Variants in DAB1 observed in about 807,000 individuals in gnomAD.
DAB1 encodes disabled homolog 1.
In DAB1, 15 loss-of-function variants were observed where a neutral mutation model predicts 64.6. The observed-to-expected ratio is 0.23, with a 90% CI of 0.16 to 0.36. The LOEUF (loss-of-function observed/expected upper bound fraction) is 0.36, where lower values mean the gene tolerates loss of function less well. DAB1 is among the 10% of genes least tolerant of loss of function. DAB1 has a pLI of 1.00. For missense variants in DAB1, 596 were observed against 706.7 expected, an observed-to-expected ratio of 0.84 and a Z score of 1.78; for synonymous variants, 235 against 251.9, an observed-to-expected ratio of 0.93 and a Z score of 0.64.
At chr1:58,449,690 G>A (rs1272797991) in intron 3 of DAB1, among the ~76,000 whole-genome samples, 1 of 152,198 alleles carries the variant, frequency 6.6e-6, no homozygotes, top group African/African-American at 2.4e-5. Context: ...CTCTCAAAGT[G>A]AAATGCTTGC....
intron 2 of DAB1, among the ~76,000 whole-genome samples, chr1:58,525,136 C>T (rs559764789): frequency 3.0e-4 from 46 of 152,118 alleles, no homozygotes; most frequent in African/African-American, 1.1e-3. Context: ...TTTTCATAAC[C>T]GATTTGTGTT....
intron 4 of DAB1, among the ~76,000 whole-genome samples, chr1:58,294,602 T>A (rs79839385): frequency 5.3e-5 from 8 of 152,260 alleles, no homozygotes; most frequent in Admixed American, 4.6e-4. Context: ...CAGAAACATG[T>A]CATGGAAAAC....
At chr1:57,826,677 C>T (rs1052570959) in intron 1 of DAB1, among the ~76,000 whole-genome samples, 1 of 152,110 alleles carries the variant, frequency 6.6e-6, no homozygotes, top group South Asian at 2.1e-4. Context: ...GACAAGTGCA[C>T]AGGGTTAATC....
chr1:58,139,156 C>T (rs1341369315), intron 5 of DAB1, among the ~76,000 whole-genome samples: 5 of 152,124 alleles, frequency 3.3e-5, no homozygotes. Flanking sequence ...CACTGTTCCA[C>T]CCCGCACATC....
intron 3 of DAB1, among the ~76,000 whole-genome samples, chr1:58,493,083 T>C (rs1241044644): frequency 6.6e-6 from 1 of 152,196 alleles, no homozygotes; most frequent in Admixed American, 6.5e-5. Flanking sequence ...CAAGTGGGCT[T>C]CATCCCTGGG....
At chr1:57,084,384 A>G (rs932356160) in intron 4 of DAB1, among the ~76,000 whole-genome samples, 4 of 152,106 alleles carry the variant, frequency 2.6e-5, no homozygotes, top group African/African-American at 7.2e-5. Context: ...AGAAAGAACA[A>G]TCCCTGCAGA....
intron 1 of DAB1, chr1:57,386,847 C>G (rs997863786): frequency 1.3e-5 from 2 of 152,064 alleles, no homozygotes; most frequent in Non-Finnish European, 2.9e-5. Context: ...GAGGCCCATG[C>G]AACATTAAGC....
chr1:57,797,209 A>G (rs1489516611), intron 6 of DAB1, among the ~76,000 whole-genome samples: 1 of 152,230 alleles, frequency 6.6e-6, no homozygotes, highest in African/African-American at 2.4e-5. Flanking sequence ...TCTCTGGGTT[A>G]GAAAGGGACT....
In DAB1 at chr1:58,303,697, T is replaced by C. The variant is rs543245188; in HGVS notation, n.309+39655A>G. ...CCAGGTGGAGATCAGGGGTTTAGCT[T>C]ATAAGGAGAAGAGGAAACAAGGCAA... On this transcript the variant is annotated intron_variant and non_coding_transcript_variant, in intron 4 of 20. Coordinates refer to the DAB1 transcript ENST00000485760. Among the ~76,000 whole-genome samples, 4 of 152,228 alleles carry C rather than the reference T, an allele frequency of 2.6e-5. No individual in the cohort carries two copies. The East Asian group carries it at 7.7e-4, about 29-fold the overall frequency.
At chr1:58,092,314 C>T (rs577997078) in intron 5 of DAB1, among the ~76,000 whole-genome samples, 2 of 145,832 alleles carry the variant, frequency 1.4e-5, no homozygotes, top group Non-Finnish European at 3.0e-5. Flanking sequence ...GCCTGGGTGA[C>T]AGAGCAAGAC....
chr1:58,117,864 T>C (rs879536961), intron 5 of DAB1, among the ~76,000 whole-genome samples: 3 of 151,754 alleles, frequency 2.0e-5, no homozygotes, highest in African/African-American at 7.3e-5. Flanking sequence ...ATATTTTTTT[T>C]AATATTTTTT....
chr1:57,938,155 CT>C (rs1460858789), intron 5 of DAB1, among the ~76,000 whole-genome samples: 1 of 152,222 alleles, frequency 6.6e-6, no homozygotes, highest in African/African-American at 2.4e-5. Context: ...CCAGCCCTTG[CT>C]GGGTGTGTAA....
Position 57,226,672 on chromosome 1 carries a change from A to AAAAAATATATATATATATAT in DAB1, c.67+64291_67+64292insATATATATATATATATTTTT, listed in dbSNP as rs747021990. Among the ~76,000 whole-genome samples the AAAAAATATATATATATATAT allele has an allele frequency of 8.5e-4, 116 of 135,956 alleles. 2 individuals carry two copies. Among genetic ancestry groups the AAAAAATATATATATATATAT allele is most frequent in the African/African-American group, 3.4e-3 (109 of 32,366 alleles). 89.2% of individuals were successfully genotyped at this position (135,956 alleles called of 152,430 possible). On this transcript the variant is annotated intron_variant, in intron 2 of 14. Coordinates refer to ENST00000371236, the MANE Select transcript of DAB1 (RefSeq NM_001365792.1). The stretch of plus-strand genomic sequence containing the variant: ...GTCACTCAAAAGTGGTTAAAAAAAA[A>AAAAAATATATATATATATAT]ATATATATATATATATATATATATA...
intron 1 of DAB1, among the ~76,000 whole-genome samples, chr1:57,858,501 T>C (rs531388175): frequency 3.8e-4 from 58 of 151,496 alleles, no homozygotes; most frequent in South Asian, 1.5e-3. Context: ...GTGATGTAGA[T>C]AGATGATAAT....
rs142407548 is a variant in DAB1 at position 57,723,723 on chromosome 1, G to A, written n.552-74058C>T. ...TGCAGATATGTGGTGCTCCCAATTA[G>A]CTGATTGTGGCTACATTTTTCTGGA... is the stretch of plus-strand genomic sequence containing the variant. On this transcript the variant is annotated intron_variant and non_coding_transcript_variant, in intron 6 of 20. Coordinates refer to the DAB1 transcript ENST00000485760. 2.4e-3 allele frequency among the ~76,000 whole-genome samples: 365 copies of A among 152,230 alleles called. 1 individual carries two copies. Among genetic ancestry groups the A allele is most frequent in the African/African-American group, 8.0e-3 (334 of 41,526 alleles).
At chr1:58,334,630 T>TCA (rs1401063034) in intron 4 of DAB1, among the ~76,000 whole-genome samples, 11 of 110,554 alleles carry the variant, frequency 9.9e-5, no homozygotes, top group Middle Eastern at 4.9e-3. Context: ...TTATATTATA[T>TCA]TATATCATAT....
chr1:57,869,433 AAAG>A (rs1436041850), intron 1 of DAB1, among the ~76,000 whole-genome samples: 5 of 150,976 alleles, frequency 3.3e-5, no homozygotes, highest in African/African-American at 1.2e-4. Flanking sequence ...ATGCACAAAC[AAAG>A]TTGACACTTC....
At chr1:57,522,119 A>AG (rs1221264986) in intron 7 of DAB1, among the ~76,000 whole-genome samples, 1 of 152,038 alleles carries the variant, frequency 6.6e-6, no homozygotes, top group Non-Finnish European at 1.5e-5. Flanking sequence ...CAAAAAAAAA[A>AG]GAGCCCATTA....
chr1:57,545,559 G>T (rs927763280), intron 7 of DAB1, among the ~76,000 whole-genome samples: 1 of 152,122 alleles, frequency 6.6e-6, no homozygotes, highest in Non-Finnish European at 1.5e-5. Context: ...TGGGCTCAAG[G>T]CCCTGGTTCC....
Sources: gnomAD v4.1 joint callset for allele counts (sites outside exome capture counted in the v4.1 genomes callset) on GRCh38, gnomAD v4.1.1 for gene constraint, MANE v1.5 for transcripts, NCBI Gene and HGNC (gene_info 2026-07-23, HGNC 2026-07-21) for gene names.